C8orf34: variants seen among roughly 807,000 people sequenced by gnomAD.
C8orf34 encodes chromosome 8 open reading frame 34.
In C8orf34, 65 loss-of-function variants were observed where a neutral mutation model predicts 68.3. The ratio of observed to expected loss-of-function variants is 0.95; its 90% CI spans 0.78 to 1.17. The LOEUF is 1.17. Ranked by LOEUF, C8orf34 falls within the 50% of genes most tolerant of loss-of-function variation. The pLI, the probability that C8orf34 is intolerant of heterozygous loss-of-function variation, is 0.00. For synonymous variants in C8orf34, 244 were observed against 241.2 expected (o/e 1.01, Z -0.11); for missense variants, 664 against 655.4 (o/e 1.01, Z -0.14).
chr8:68,650,296 G>C (rs958261946), intron 8 of C8orf34, among the ~76,000 whole-genome samples: 1 of 152,064 alleles, frequency 6.6e-6, no homozygotes, highest in African/African-American at 2.4e-5. Flanking sequence ...AAAAGGAAGA[G>C]GAGAGAGGGG....
chr8:68,720,570 G>A (rs1267506634), intron 9 of C8orf34, among the ~76,000 whole-genome samples: 4 of 151,056 alleles, frequency 2.6e-5, no homozygotes, highest in Non-Finnish European at 5.9e-5. Context: ...TAAATCCAGT[G>A]GTTTAAAATA....
intron 1 of C8orf34, among the ~76,000 whole-genome samples, chr8:68,405,938 A>G (rs984900869): frequency 1.3e-5 from 2 of 152,344 alleles, no homozygotes; most frequent in Admixed American, 1.3e-4. Flanking sequence ...CAAAGCATAC[A>G]AAAAGAGTTT....
At chr8:68,426,903 C>T (rs184295070) in intron 1 of C8orf34, among the ~76,000 whole-genome samples, 7 of 151,594 alleles carry the variant, frequency 4.6e-5, no homozygotes, top group Non-Finnish European at 1.0e-4. Context: ...CCAAACCAAA[C>T]AAAATCCTAT....
intron 5 of C8orf34, among the ~76,000 whole-genome samples, chr8:68,508,418 C>A (rs897306686): frequency 6.6e-6 from 1 of 152,148 alleles, no homozygotes; most frequent in Non-Finnish European, 1.5e-5. Context: ...AAATCAATGG[C>A]ATATATTTTG....
intron 8 of C8orf34, among the ~76,000 whole-genome samples, chr8:68,699,426 C>T (rs1406062697): frequency 6.6e-6 from 1 of 152,036 alleles, no homozygotes; most frequent in African/African-American, 2.4e-5. Flanking sequence ...GTTTCCTTAG[C>T]TCCAGAGCAT....
chr8:68,694,931 G>T (rs1485120639), intron 8 of C8orf34, among the ~76,000 whole-genome samples: 2 of 151,796 alleles, frequency 1.3e-5, no homozygotes, highest in Non-Finnish European at 2.9e-5. Flanking sequence ...ATTTCAGTAT[G>T]ATGTCCAAAT....
intron 1 of C8orf34, among the ~76,000 whole-genome samples, chr8:68,352,027 C>T (rs1806532913): frequency 3.3e-5 from 5 of 151,996 alleles, no homozygotes. Context: ...GTCTTTGGAA[C>T]ATTTTTGAAT....
At chr8:68,462,095 G>A (rs1185650670) in intron 3 of C8orf34, among the ~76,000 whole-genome samples, 2 of 151,956 alleles carry the variant, frequency 1.3e-5, no homozygotes, top group African/African-American at 4.8e-5. Context: ...GATGGAGGAA[G>A]ATCTACCAAG....
At chr8:68,815,351 C>CAT (rs1457684424) in intron 12 of C8orf34, among the ~76,000 whole-genome samples, 19 of 146,992 alleles carry the variant, frequency 1.3e-4, no homozygotes, top group Non-Finnish European at 2.6e-4. Context: ...TATGGGTACA[C>CAT]ACATATATAT....
At chr8:68,462,689 C>A (rs1322941847) in intron 3 of C8orf34, among the ~76,000 whole-genome samples, 2 of 152,082 alleles carry the variant, frequency 1.3e-5, no homozygotes, top group Non-Finnish European at 2.9e-5. Flanking sequence ...TCCTGAATGA[C>A]TACTGGGTAC....
At chr8:68,683,193 A>C (rs939448357) in intron 8 of C8orf34, among the ~76,000 whole-genome samples, 1 of 152,184 alleles carries the variant, frequency 6.6e-6, no homozygotes, top group Admixed American at 6.6e-5. Context: ...GGTGTCAAAT[A>C]ATTTCAATTA....
intron 8 of C8orf34, among the ~76,000 whole-genome samples, chr8:68,688,627 A>G (rs1167262583): frequency 6.6e-6 from 1 of 152,178 alleles, no homozygotes; most frequent in African/African-American, 2.4e-5. Context: ...AACGTGGTAC[A>G]TATACACCAT....
At chr8:68,671,687 C>T (rs1282882325) in intron 8 of C8orf34, among the ~76,000 whole-genome samples, 1 of 152,064 alleles carries the variant, frequency 6.6e-6, no homozygotes, top group Non-Finnish European at 1.5e-5. Context: ...TATAATTTTG[C>T]TTTTATTTAA....
At chr8:68,586,808 G>C (rs1277746216) in intron 7 of C8orf34, among the ~76,000 whole-genome samples, 1 of 152,042 alleles carries the variant, frequency 6.6e-6, no homozygotes, top group Non-Finnish European at 1.5e-5. Context: ...CAAAGAAATA[G>C]GAACATGCCA....
At chr8:68,591,053 CTTCCTCTA>C (rs1163244276) in intron 7 of C8orf34, among the ~76,000 whole-genome samples, 2 of 152,144 alleles carry the variant, frequency 1.3e-5, no homozygotes, top group Admixed American at 1.3e-4. Flanking sequence ...ATTTGAGGCC[CTTCCTCTA>C]TTGCTGCCAC....
In C8orf34 at chr8:68,738,419, A is replaced by C. The variant is rs1269844147; in HGVS notation, c.1404+16982A>C. On this transcript the variant is annotated intron_variant, in intron 10 of 13. Coordinates refer to ENST00000518698, the MANE Select transcript of C8orf34 (RefSeq NM_052958.4). ...AGAACCAAGAGAAAACCAACCCCAA[A>C]GCTAGCAGAAGACAAGAAATAACAA... Among the ~76,000 whole-genome samples, 3 of 152,252 alleles carry C rather than the reference A, an allele frequency of 2.0e-5. No homozygotes were observed. In the East Asian group the frequency reaches 5.8e-4, roughly 29 times the overall value.
At chr8:68,433,574 G>A (rs562420053) in intron 1 of C8orf34, among the ~76,000 whole-genome samples, 1 of 152,156 alleles carries the variant, frequency 6.6e-6, no homozygotes, top group East Asian at 1.9e-4. Flanking sequence ...CAAATTTTTA[G>A]GCAGAGTGCC....
At position 68,672,287 on chromosome 8, in the gene C8orf34, AC is replaced by A. The variant is rs139675405; in HGVS notation, c.1241+31778del. ...GACAACTATCCACACACAAAAGAAC[AC>A]CTTCATGAGAACTAAAAATCAGGTG... On this transcript the variant is annotated intron_variant, in intron 8 of 13. Coordinates refer to ENST00000518698, the MANE Select transcript of C8orf34 (RefSeq NM_052958.4). Among the ~76,000 whole-genome samples, 1,196 of 152,206 alleles carry A rather than the reference AC, an allele frequency of 7.9e-3. 19 individuals are homozygous for A. Among genetic ancestry groups the A allele is most frequent in the African/African-American group, 0.027 (1,136 of 41,514 alleles).
In C8orf34 at chr8:68,770,472, AATGT is replaced by A. The variant is rs1823307859; in HGVS notation, c.1405-5923_1405-5920del. 1.3e-5 allele frequency among the ~76,000 whole-genome samples: 2 copies of A among 152,274 alleles called. 1 individual carries two copies. The highest frequency in any genetic ancestry group is 4.1e-4 in the South Asian group (2 of 4,838). Reference sequence around the variant, plus strand: ...ATCTTTCTAGAGTCAATTGACCAATAATGTATGCTTTAGTCTATTTCTAAGTCCA... The same window carrying A: ...ATCTTTCTAGAGTCAATTGACCAATAATGCTTTAGTCTATTTCTAAGTCCA... On this transcript the variant is annotated intron_variant, in intron 10 of 13. Transcript: ENST00000518698.
Sources: allele counts gnomAD v4.1 joint callset (sites outside exome capture counted in the v4.1 genomes callset), GRCh38; gene constraint gnomAD v4.1.1; transcripts MANE v1.5; gene names NCBI Gene and HGNC (gene_info 2026-07-23, HGNC 2026-07-21).